The following METTL24 variants were observed in gnomAD, a reference collection of about 807,000 sequenced individuals.
METTL24 encodes probable methyltransferase-like protein 24.
Under a neutral mutation model 32.7 loss-of-function variants are expected in METTL24, and 29 were observed. The observed-to-expected ratio is 0.89, with a 90% confidence interval of 0.66 to 1.21. The LOEUF (loss-of-function observed/expected upper bound fraction) is 1.21, where lower values mean the gene tolerates loss of function less well. Among genes scored for constraint, METTL24 ranks in the 50% most tolerant of loss-of-function variants. The pLI is 0.00. For synonymous variants in METTL24, 163 were observed against 179.5 expected, an observed-to-expected ratio of 0.91 and a Z score of 0.73; for missense variants, 439 against 468.1, an observed-to-expected ratio of 0.94 and a Z score of 0.57.
At chr6:110,320,024 G>T (rs1234544924) in intron 2 of METTL24, among the ~76,000 whole-genome samples, 2 of 152,104 alleles carry the variant, frequency 1.3e-5, no homozygotes, top group Non-Finnish European at 2.9e-5. Flanking sequence ...TTTTATTGAG[G>T]CTTAATATCC....
intron 1 of METTL24, among the ~76,000 whole-genome samples, chr6:110,345,452 T>A (rs1772452407): frequency 6.6e-6 from 1 of 152,220 alleles, no homozygotes; most frequent in Non-Finnish European, 1.5e-5. Context: ...ATATAAATCA[T>A]TCTACCATAA....
At chr6:110,323,523 T>A (rs1249601915) in intron 1 of METTL24, among the ~76,000 whole-genome samples, 2 of 152,084 alleles carry the variant, frequency 1.3e-5, no homozygotes. Flanking sequence ...TGGTTAAGGA[T>A]GACCCGCTCA....
chr6:110,314,329 C>T (rs1771776996), intron 3 of METTL24, among the ~76,000 whole-genome samples: 1 of 151,600 alleles, frequency 6.6e-6, no homozygotes, highest in Admixed American at 6.6e-5. Flanking sequence ...AAATAATTTC[C>T]TCCTGTCTTC....
At chr6:110,283,271 C>T (rs986785690) in intron 4 of METTL24, among the ~76,000 whole-genome samples, 2 of 152,152 alleles carry the variant, frequency 1.3e-5, no homozygotes, top group South Asian at 2.1e-4. Context: ...CATCCACAGG[C>T]AGGTTCCCTT....
In METTL24 at chr6:110,358,226, C is replaced by A. The variant is rs777959637; in HGVS notation, c.47G>T (p.Arg16Leu). The change falls in exon 1 of 5, where the codon CGG (arginine) becomes CTG (leucine). Residue 16 changes from arginine (R) to leucine (L), a missense_variant. Arg to Leu is a moderately radical substitution (Grantham distance 102). Coordinates refer to ENST00000338882, the MANE Select transcript of METTL24 (RefSeq NM_001123364.3). ...PPGRGCGVLR[R>L]CLLGAVLLFG... ...CAACAGCACAGCCCCGAGTAGACAC[C>A]GGCGCAGGACGCCGCAGCCCCTCCC... 5.2e-5 allele frequency: 78 copies of A among 1,486,256 alleles called. No individual in the cohort carries two copies. In the African/African-American group the frequency reaches 1.1e-3, roughly 21 times the overall value. 92.1% of individuals were successfully genotyped at this position (1,486,256 alleles called of 1,614,324 possible). A position where few individuals can be genotyped will look rare whatever the true frequency, so the allele number is the denominator to read the frequency against.
chr6:110,252,159 A>G (rs1778293404), intron 4 of METTL24, among the ~76,000 whole-genome samples: 1 of 152,172 alleles, frequency 6.6e-6, no homozygotes, highest in Non-Finnish European at 1.5e-5. Flanking sequence ...ACAAAACAAA[A>G]AAAACCTGCT....
intron 4 of METTL24, among the ~76,000 whole-genome samples, chr6:110,249,956 T>C (rs528751088): frequency 2.0e-5 from 3 of 152,118 alleles, no homozygotes; most frequent in South Asian, 2.1e-4. Context: ...ATCCAATCAA[T>C]TGACTTTCAC....
At chr6:110,319,419 A>AGATGGATGGATAGATG (rs1477697407) in intron 2 of METTL24, among the ~76,000 whole-genome samples, 18 of 8,986 alleles carry the variant, frequency 2.0e-3, no homozygotes, top group African/African-American at 8.2e-3. Flanking sequence ...AGAGAGGTAG[A>AGATGGATGGATAGATG]GATAGATAGA....
rs1414347103 is a variant in METTL24, at chr6:110,315,485, T to C, written c.418-4A>G. On this transcript the variant is annotated splice_polypyrimidine_tract_variant and splice_region_variant and intron_variant, in intron 2 of 4. Transcript: ENST00000338882. ...TATTCATGTGATTGCATGCAATCTG[T>C]AAAGATTGGAAATCAATGTGAATAA... 1.2e-5 allele frequency: 20 copies of C among 1,613,546 alleles called. No homozygotes were observed. Among genetic ancestry groups the C allele is most frequent in the Non-Finnish European group, 1.7e-5 (20 of 1,179,778 alleles).
intron 4 of METTL24, among the ~76,000 whole-genome samples, chr6:110,274,207 C>T (rs1771005005): frequency 6.6e-6 from 1 of 152,158 alleles, no homozygotes; most frequent in African/African-American, 2.4e-5. Context: ...ATTCTCCTCC[C>T]TCAGCCTCCC....
chr6:110,283,220 CCACTACACTTTTATCTTACATA>C lies in METTL24; in HGVS notation c.786+15680_786+15701del, dbSNP rs1771167393. ...TCCTAACAAGACTACACTTTTATATCCACTACACTTTTATCTTACATACACTACACTTTCATCTTACATCCAC... is the reference window on the plus strand; with the variant it reads ...TCCTAACAAGACTACACTTTTATATCCACTACACTTTCATCTTACATCCAC... On this transcript the variant is annotated intron_variant, in intron 4 of 4. Transcript: ENST00000338882. Among the ~76,000 whole-genome samples the C allele has an allele frequency of 2.6e-5, 4 of 152,234 alleles. No homozygotes were observed. The South Asian group carries it at 8.3e-4, about 32-fold the overall frequency.
chr6:110,343,002 C>A (rs1462614010), intron 1 of METTL24, among the ~76,000 whole-genome samples: 1 of 152,182 alleles, frequency 6.6e-6, no homozygotes, highest in Non-Finnish European at 1.5e-5. Context: ...TGGATAATGA[C>A]CCTATGAATA....
chr6:110,315,225 G>A lies in METTL24; in HGVS notation c.557+117C>T, dbSNP rs370509679. 1.4e-5 allele frequency: 16 copies of A among 1,176,600 alleles called. No individual in the cohort carries two copies. The African/African-American group carries it at 1.7e-4, about 12-fold the overall frequency. The allele number at this position is 1,176,600 out of a possible 1,614,324, so 72.9% of individuals were successfully genotyped here. ...AGATCAGTCTGAAATGATGACAGGA[G>A]GCAAAGCATGGCACCTGTTACAAAC... On this transcript the variant is annotated intron_variant, in intron 3 of 4. Coordinates refer to ENST00000338882, the MANE Select transcript of METTL24 (RefSeq NM_001123364.3).
chr6:110,326,781 AC>A (rs1772024605), intron 1 of METTL24, among the ~76,000 whole-genome samples: 4 of 152,064 alleles, frequency 2.6e-5, no homozygotes, highest in Non-Finnish European at 5.9e-5. Flanking sequence ...TACATACTCC[AC>A]CCTGTCTGCC....
chr6:110,319,270 A>G (rs994569622), intron 2 of METTL24, among the ~76,000 whole-genome samples: 12 of 148,478 alleles, frequency 8.1e-5, no homozygotes, highest in South Asian at 2.1e-4. Flanking sequence ...CTGTGTGTGT[A>G]TGTGTGTGTG....
intron 3 of METTL24, among the ~76,000 whole-genome samples, chr6:110,308,765 C>T (rs1771668232): frequency 6.6e-6 from 1 of 152,114 alleles, no homozygotes; most frequent in Non-Finnish European, 1.5e-5. Context: ...TATTATTCAG[C>T]CATAAAAGGA....
intron 3 of METTL24, among the ~76,000 whole-genome samples, chr6:110,307,916 T>C (rs1771653067): frequency 6.6e-6 from 1 of 152,228 alleles, no homozygotes. Flanking sequence ...CATATATTAA[T>C]GCTGGGGTTA....
intron 4 of METTL24, among the ~76,000 whole-genome samples, chr6:110,290,259 A>G (rs926380412): frequency 1.3e-5 from 2 of 152,156 alleles, no homozygotes; most frequent in Non-Finnish European, 2.9e-5. Flanking sequence ...TGTAACCACC[A>G]TAACGTACTC....
chr6:110,278,624 C>T (rs77520447), intron 4 of METTL24, among the ~76,000 whole-genome samples: 5,502 of 152,182 alleles, frequency 0.036, 335 homozygotes, highest in African/African-American at 0.12. Flanking sequence ...CAAAGCACTG[C>T]CTTGGACACT....
Sources: gnomAD v4.1 joint callset for allele counts (sites outside exome capture counted in the v4.1 genomes callset) on GRCh38, gnomAD v4.1.1 for gene constraint, MANE v1.5 for transcripts, NCBI Gene and HGNC (gene_info 2026-07-23, HGNC 2026-07-21) for gene names.